Variants in ZNF257 observed in about 807,000 individuals in gnomAD.
The protein encoded by ZNF257 is zinc finger protein 257.
Under a neutral mutation model 11.9 loss-of-function variants are expected in ZNF257, and 12 were observed. The ratio of observed to expected loss-of-function variants is 1.01; its 90% CI spans 0.65 to 1.63. The LOEUF (loss-of-function observed/expected upper bound fraction) is 1.63. Among genes scored for constraint, ZNF257 ranks in the 40% most tolerant of loss-of-function variants. The probability of loss-of-function intolerance (pLI) is 0.00; values close to 1 mark genes in which losing one functional copy is unlikely to be tolerated. For missense variants in ZNF257, 580 were observed against 665.5 expected, an observed-to-expected ratio of 0.87 and a Z score of 1.41; for synonymous variants, 183 against 222.7, an observed-to-expected ratio of 0.82 and a Z score of 1.59.
At chr19:22,071,673 C>G (rs2022107028) in intron 1 of ZNF257, among the ~76,000 whole-genome samples, 1 of 151,886 alleles carries the variant, frequency 6.6e-6, no homozygotes. Context: ...TCCCATATAC[C>G]AGAGCCTTCT....
intron 3 of ZNF257, among the ~76,000 whole-genome samples, chr19:22,084,825 G>A (rs2022438664): frequency 6.6e-6 from 1 of 151,378 alleles, no homozygotes. Flanking sequence ...TGCCTCCCGG[G>A]TTCAAGTGAT....
At position 22,052,484 on chromosome 19, in the gene ZNF257, A is replaced by G. The variant is rs887525854; in HGVS notation, c.-149A>G. The G allele has an allele frequency of 1.2e-6, 1 of 868,598 alleles. No homozygotes were observed. Among genetic ancestry groups the G allele is most frequent in the Non-Finnish European group, 1.8e-6 (1 of 554,678 alleles). The allele number at this position is 868,598 out of a possible 1,614,324, so 53.8% of individuals were successfully genotyped here. On this transcript the variant is annotated 5_prime_UTR_variant, in exon 1 of 4. Transcript: ENST00000594947. ...AGGGTGGCTTCCGGGTTTGGCGGGT[A>G]CTTTGTCTCTCGCTCTAGCCCGAGC... is the stretch of plus-strand genomic sequence containing the variant.
chr19:22,055,608 G>A (rs939587875), intron 1 of ZNF257, among the ~76,000 whole-genome samples: 2 of 152,186 alleles, frequency 1.3e-5, no homozygotes, highest in Non-Finnish European at 2.9e-5. Flanking sequence ...CCACTCAGTG[G>A]GGCATAGTGC....
At chr19:22,055,710 A>T (rs115999461) in intron 1 of ZNF257, among the ~76,000 whole-genome samples, 243 of 152,208 alleles carry the variant, frequency 1.6e-3, no homozygotes, top group African/African-American at 5.5e-3. Flanking sequence ...TACTTGACAT[A>T]TGAGTCAGAC....
At chr19:22,056,072 G>A (rs28820354) in intron 1 of ZNF257, among the ~76,000 whole-genome samples, 6,297 of 131,770 alleles carry the variant, frequency 0.048, 547 homozygotes, top group African/African-American at 0.16. Context: ...AAAAAAAAAA[G>A]AAAAGAATTG....
At position 22,089,413 on chromosome 19, in the gene ZNF257, T is replaced by G. The variant is rs1401397398; in HGVS notation, c.1663T>G (p.Ser555Ala). ...AGAATGTGGCAAAGCTTGTAACCAT[T>G]CCTCAAACCTTACTAAACATAATTC... ...YEECGKACNHSSNLTKHNS is the reference protein window; with the variant it reads ...YEECGKACNHASNLTKHNS Residue 555 changes from serine to alanine, a missense_variant, in exon 4 of 4, where the codon TCC (serine) becomes GCC (alanine). Ser to Ala is a moderately conservative substitution (Grantham distance 99). Coordinates refer to ENST00000594947, the MANE Select transcript of ZNF257 (RefSeq NM_033468.4). The G allele has an allele frequency of 6.2e-7, 1 of 1,610,496 alleles. No homozygotes were observed.
intron 3 of ZNF257, 102 bp from the exon 4 acceptor site, chr19:22,087,875 C>T (rs2022510766): frequency 3.8e-6 from 4 of 1,040,978 alleles, no homozygotes; most frequent in South Asian, 7.6e-5. Flanking sequence ...TTTGCTATGC[C>T]ATCTTCCTTA....
In ZNF257 at chr19:22,088,374, A is replaced by G; in HGVS notation, c.624A>G (p.Lys208=). 6.2e-7 allele frequency: 1 copy of G among 1,613,830 alleles called. No individual in the cohort carries two copies. Among genetic ancestry groups the G allele is most frequent in the Non-Finnish European group, 8.5e-7 (1 of 1,179,868 alleles). The part of the protein sequence containing the change: ...ENSHKCEECG[K]AFNQSSALTR... ...CCCACAAATGTGAAGAATGTGGCAAAGCCTTTAACCAGTCCTCAGCTCTTA... is the reference window on the plus strand; with the variant it reads ...CCCACAAATGTGAAGAATGTGGCAAGGCCTTTAACCAGTCCTCAGCTCTTA... Residue 208 remains lysine (K), a synonymous_variant, in exon 4 of 4, where the codon AAA becomes AAG. Coordinates refer to ENST00000594947, the MANE Select transcript of ZNF257 (RefSeq NM_033468.4).
At chr19:22,073,081 A>C in intron 2 of ZNF257, 146 bp downstream of exon 2, 1 of 1,061,556 alleles carries the variant, frequency 9.4e-7, no homozygotes, top group African/African-American at 1.7e-5. Context: ...CCCTGTTTTC[A>C]AGAAAATCAT....
chr19:22,078,789 TTTC>T (rs1447505089), intron 3 of ZNF257, among the ~76,000 whole-genome samples: 3 of 144,568 alleles, frequency 2.1e-5, no homozygotes, highest in Non-Finnish European at 4.5e-5. Context: ...GTTTTCTTTC[TTTC>T]TTTTTTTTTT....
chr19:22,059,334 G>A (rs942680623), intron 1 of ZNF257, among the ~76,000 whole-genome samples: 4 of 152,016 alleles, frequency 2.6e-5, no homozygotes, highest in Non-Finnish European at 5.9e-5. Flanking sequence ...AGTATCTATT[G>A]TTCTCTTTGT....
intron 3 of ZNF257, chr19:22,087,735 CT>C: frequency 1.6e-6 from 1 of 635,570 alleles, no homozygotes. Context: ...TTCTATGTTG[CT>C]TTTTACATCG....
intron 2 of ZNF257, 61 bp downstream of exon 2, chr19:22,072,996 T>TC: frequency 7.0e-7 from 1 of 1,423,278 alleles, no homozygotes; most frequent in Non-Finnish European, 9.3e-7. Context: ...TTTTATTTAT[T>TC]TTTTTTTTTG....
rs141696756 is a variant in ZNF257 at position 22,064,505 on chromosome 19, A to G, written c.4-8304A>G. On this transcript the variant is annotated intron_variant, in intron 1 of 3. Coordinates refer to ENST00000594947, the MANE Select transcript of ZNF257 (RefSeq NM_033468.4). The stretch of plus-strand genomic sequence containing the variant: ...TAAAAACACGCAAAAGTGGAGCACA[A>G]AAATAGGATTAAATTTAGCCATACA... Among the ~76,000 whole-genome samples, 36 of 152,320 alleles carry G rather than the reference A, an allele frequency of 2.4e-4. No homozygotes were observed. The East Asian group carries it at 6.8e-3, about 29-fold the overall frequency.
In ZNF257 at chr19:22,090,133, CATT is replaced by C. The variant is rs2022593607; in HGVS notation, c.*693_*695del. On this transcript the variant is annotated 3_prime_UTR_variant, in exon 4 of 4. Coordinates refer to ENST00000594947, the MANE Select transcript of ZNF257 (RefSeq NM_033468.4). Reference sequence around the variant, plus strand: ...ACAAATATAAAGAATGTGGAAAAGTCATTAATATTTGCTCACATATTACACATC... The same window carrying C: ...ACAAATATAAAGAATGTGGAAAAGTCAATATTTGCTCACATATTACACATC... 1 of 152,172 alleles carries C rather than the reference CATT, an allele frequency of 6.6e-6. No individual in the cohort carries two copies. Among genetic ancestry groups the C allele is most frequent in the Non-Finnish European group, 1.5e-5 (1 of 68,110 alleles). The allele number at this position is 152,172 out of a possible 1,614,324, so 9.4% of individuals were successfully genotyped here.
At chr19:22,068,842 T>A (rs1449370019) in intron 1 of ZNF257, among the ~76,000 whole-genome samples, 3 of 152,186 alleles carry the variant, frequency 2.0e-5, no homozygotes, top group Admixed American at 2.0e-4. Context: ...CATTTTCTAT[T>A]TAGAATCAGC....
intron 1 of ZNF257, among the ~76,000 whole-genome samples, chr19:22,071,486 T>G (rs1015806493): frequency 2.0e-5 from 3 of 152,044 alleles, no homozygotes; most frequent in African/African-American, 7.3e-5. Flanking sequence ...AATGGCTTTT[T>G]TTTTTCAACT....
At chr19:22,082,731 C>T (rs2022389771) in intron 3 of ZNF257, among the ~76,000 whole-genome samples, 1 of 152,010 alleles carries the variant, frequency 6.6e-6, no homozygotes, top group African/African-American at 2.4e-5. Flanking sequence ...TTGATGCTGT[C>T]CAATAAGTAT....
Position 22,052,706 on chromosome 19 carries a change from G to A in ZNF257, c.3+71G>A. ...TTGGAACCTGTGGGAAGTCGCTGTG[G>A]CGGGACTCAGGCCTCCTTGCAGTCA... On this transcript the variant is annotated intron_variant, in intron 1 of 3. Coordinates refer to ENST00000594947, the MANE Select transcript of ZNF257 (RefSeq NM_033468.4). 5 of 1,575,632 alleles carry A rather than the reference G, an allele frequency of 3.2e-6. No individual in the cohort carries two copies. The South Asian group carries it at 5.5e-5, about 17-fold the overall frequency.
Sources: gnomAD v4.1 joint callset for allele counts (sites outside exome capture counted in the v4.1 genomes callset) on GRCh38, gnomAD v4.1.1 for gene constraint, MANE v1.5 for transcripts, NCBI Gene and HGNC (gene_info 2026-07-23, HGNC 2026-07-21) for gene names.